The following NIBAN1 variants were observed in gnomAD, a reference collection of about 807,000 sequenced individuals.
NIBAN1 encodes the protein niban apoptosis regulator 1, also known as protein Niban 1.
A neutral mutation model predicts 75.1 loss-of-function variants in NIBAN1; 81 were observed. That is an observed-to-expected ratio of 1.08 (90% CI 0.90 to 1.30). The LOEUF is 1.30. Ranked by LOEUF, NIBAN1 falls within the 50% of genes most tolerant of loss-of-function variation. NIBAN1 has a pLI of 0.00. For synonymous variants in NIBAN1, 436 were observed against 424.8 expected (o/e 1.03, Z -0.32); for missense variants, 1,133 against 1,128.1 (o/e 1.00, Z -0.06).
intron 2 of NIBAN1, among the ~76,000 whole-genome samples, chr1:184,898,939 T>A (rs541869393): frequency 1.3e-5 from 2 of 152,336 alleles, no homozygotes; most frequent in South Asian, 4.1e-4. Context: ...AAAGCATCCA[T>A]GTGGGAAAAA....
At chr1:184,905,739 G>A (rs112225323) in intron 1 of NIBAN1, among the ~76,000 whole-genome samples, 66 of 152,260 alleles carry the variant, frequency 4.3e-4, no homozygotes, top group African/African-American at 1.5e-3. Flanking sequence ...CACTTCTACT[G>A]CAGCTGTTCA....
At chr1:184,858,484 C>G (rs1018535905) in intron 5 of NIBAN1, among the ~76,000 whole-genome samples, 1 of 151,348 alleles carries the variant, frequency 6.6e-6, no homozygotes, top group African/African-American at 2.4e-5. Flanking sequence ...AAAGGCCACT[C>G]AAAATAAAAA....
chr1:184,973,441 G>A (rs915566409), intron 1 of NIBAN1, among the ~76,000 whole-genome samples: 2 of 151,984 alleles, frequency 1.3e-5, no homozygotes, highest in Non-Finnish European at 2.9e-5. Context: ...CTGGCGGCGG[G>A]GCGGGGGAAA....
chr1:184,908,845 T>C (rs1242138651), intron 1 of NIBAN1, among the ~76,000 whole-genome samples: 1 of 152,206 alleles, frequency 6.6e-6, no homozygotes, highest in African/African-American at 2.4e-5. Context: ...AGCTACAGAT[T>C]GGCTGTCTTT....
At chr1:184,948,707 G>A (rs991577138) in intron 1 of NIBAN1, among the ~76,000 whole-genome samples, 14 of 152,068 alleles carry the variant, frequency 9.2e-5, no homozygotes, top group African/African-American at 2.4e-4. Context: ...TTAAGATTTC[G>A]GAGACTATTT....
chr1:184,884,544 G>A, intron 5 of NIBAN1, 89 bp downstream of exon 5: 1 of 1,525,980 alleles, frequency 6.6e-7, no homozygotes, highest in Non-Finnish European at 8.9e-7. Context: ...CTCTTTCTAA[G>A]AATCACTGCA....
chr1:184,906,803 G>C (rs1657118260), intron 1 of NIBAN1, among the ~76,000 whole-genome samples: 1 of 152,054 alleles, frequency 6.6e-6, no homozygotes, highest in Non-Finnish European at 1.5e-5. Context: ...CAAATACAAG[G>C]CTCTGGGTAA....
rs551912259 is a variant in NIBAN1 at position 184,794,980 on chromosome 1, C to T, written c.2784G>A (p.Glu928=). The stretch of plus-strand genomic sequence containing the variant: ...GACTTCAGCCAAATTGTCCCTTTCA[C>T]TCCTCTGAGGGCAGCTCTGGGAAAC... ...QESFPELPSE[E] is the part of the protein sequence containing the mutation. The change falls in exon 14 of 14, where the codon GAG becomes GAA. Residue 928 remains glutamate, a synonymous_variant. Coordinates refer to ENST00000367511, the MANE Select transcript of NIBAN1 (RefSeq NM_052966.4). 1.3e-5 allele frequency: 21 copies of T among 1,609,116 alleles called. 2 individuals carry two copies. In the South Asian group the frequency reaches 2.3e-4, roughly 18 times the overall value.
rs1553215633 is a variant in NIBAN1, at chr1:184,811,503, T to TTTTTTTTTTG, written c.1174-3278_1174-3269dup. Among the ~76,000 whole-genome samples, 423 of 33,118 alleles carry TTTTTTTTTTG rather than the reference T, an allele frequency of 0.013. 7 individuals carry two copies. In the East Asian group the frequency reaches 0.13, roughly 10 times the overall value. 21.7% of individuals were successfully genotyped at this position (33,118 alleles called of 152,430 possible). ...CAATGCATTGAGGTACTTTCTTCCT[T>TTTTTTTTTTG]TTTTTTTTTGTTTTTTTTTTTGAGA... On this transcript the variant is annotated intron_variant, in intron 9 of 13. Transcript: ENST00000367511.
intron 1 of NIBAN1, among the ~76,000 whole-genome samples, chr1:184,964,272 C>G (rs1658722679): frequency 6.6e-6 from 1 of 152,216 alleles, no homozygotes; most frequent in South Asian, 2.1e-4. Context: ...GGACTTCTAG[C>G]AAAAGATAGG....
intron 1 of NIBAN1, among the ~76,000 whole-genome samples, chr1:184,939,661 G>C (rs1271428838): frequency 6.6e-6 from 1 of 152,088 alleles, no homozygotes; most frequent in African/African-American, 2.4e-5. Flanking sequence ...AAAAACTGTG[G>C]GCAAGTTATC....
At position 184,808,093 on chromosome 1, in the gene NIBAN1, G is replaced by T; in HGVS notation, c.1316C>A (p.Thr439Lys). The stretch of plus-strand genomic sequence containing the variant: ...ACCCACCTCCTGCATGTAGTTCTGT[G>T]TCCTCTGAACCACCAGATCAATGTG... ...FPHIDLVVQR[T>K]QNYMQELMEN... The change falls in exon 10 of 14, where the codon ACA becomes AAA. Residue 439 changes from threonine (T) to lysine (K), a missense_variant. Physicochemically the swap from Thr to Lys is moderately conservative, Grantham distance 78. Coordinates refer to ENST00000367511, the MANE Select transcript of NIBAN1 (RefSeq NM_052966.4). 1 of 1,613,950 alleles carries T rather than the reference G, an allele frequency of 6.2e-7. No homozygotes were observed. Among genetic ancestry groups the T allele is most frequent in the East Asian group, 2.2e-5 (1 of 44,854 alleles).
At chr1:184,842,591 T>C (rs1483734045) in intron 5 of NIBAN1, among the ~76,000 whole-genome samples, 1 of 152,034 alleles carries the variant, frequency 6.6e-6, no homozygotes, top group Non-Finnish European at 1.5e-5. Flanking sequence ...CCGTCTCTAC[T>C]AAAAATGAAA....
chr1:184,861,402 T>C (rs544025037), intron 5 of NIBAN1, among the ~76,000 whole-genome samples: 1 of 152,356 alleles, frequency 6.6e-6, no homozygotes, highest in Admixed American at 6.5e-5. Flanking sequence ...GCAGGGATCA[T>C]GTCTGTTTTC....
intron 13 of NIBAN1, among the ~76,000 whole-genome samples, chr1:184,797,137 C>CTT (rs56272970): frequency 1.0e-4 from 13 of 130,572 alleles, no homozygotes; most frequent in Non-Finnish European, 1.9e-4. Context: ...CCTTCTCCAG[C>CTT]TTTTTTTTTT....
chr1:184,869,059 A>G (rs1656031243), intron 5 of NIBAN1, among the ~76,000 whole-genome samples: 1 of 152,176 alleles, frequency 6.6e-6, no homozygotes, highest in Non-Finnish European at 1.5e-5. Context: ...TCAGAAATGC[A>G]AATTCTTAGG....
At chr1:184,828,288 G>C (rs1399397671) in intron 6 of NIBAN1, among the ~76,000 whole-genome samples, 2 of 152,200 alleles carry the variant, frequency 1.3e-5, no homozygotes, top group Non-Finnish European at 2.9e-5. Context: ...TCATTACTAT[G>C]AAGGTAATGG....
At chr1:184,858,399 G>A (rs1022268802) in intron 5 of NIBAN1, among the ~76,000 whole-genome samples, 4 of 152,154 alleles carry the variant, frequency 2.6e-5, no homozygotes, top group African/African-American at 7.2e-5. Context: ...GAACATCAAC[G>A]GACAATTCAC....
At chr1:184,925,766 T>C (rs1472295565) in intron 1 of NIBAN1, among the ~76,000 whole-genome samples, 1 of 152,252 alleles carries the variant, frequency 6.6e-6, no homozygotes, top group African/African-American at 2.4e-5. Flanking sequence ...TCTGTTGTTA[T>C]ATTTATAGCT....
Sources: allele counts gnomAD v4.1 joint callset (sites outside exome capture counted in the v4.1 genomes callset), GRCh38; gene constraint gnomAD v4.1.1; transcripts MANE v1.5; gene names NCBI Gene and HGNC (gene_info 2026-07-23, HGNC 2026-07-21).